VAV3: variants seen among roughly 807,000 people sequenced by gnomAD.
VAV3 encodes vav guanine nucleotide exchange factor 3.
VAV3 carries 94 observed loss-of-function variants against 131.2 expected under a neutral mutation model. The ratio of observed to expected loss-of-function variants is 0.72; its 90% CI spans 0.61 to 0.85. The LOEUF is 0.85. Among genes scored for constraint, VAV3 ranks in the 40% least tolerant of loss-of-function variants. The pLI is 0.00. For missense variants in VAV3, 939 were observed against 1,002.7 expected (o/e 0.94, Z 0.86); for synonymous variants, 349 against 342.0 (o/e 1.02, Z -0.22).
intron 12 of VAV3, among the ~76,000 whole-genome samples, chr1:107,754,709 T>C (rs1368534672): frequency 6.6e-6 from 1 of 152,132 alleles, no homozygotes; most frequent in Non-Finnish European, 1.5e-5. Flanking sequence ...CCACCATCCT[T>C]CCCTTCACTC....
chr1:107,811,033 C>T (rs1667293029), intron 2 of VAV3, among the ~76,000 whole-genome samples: 1 of 152,152 alleles, frequency 6.6e-6, no homozygotes, highest in African/African-American at 2.4e-5. Context: ...GATAGTTCAA[C>T]TTTCAGAAGT....
intron 2 of VAV3, among the ~76,000 whole-genome samples, chr1:107,846,208 A>G (rs1280100858): frequency 6.6e-6 from 1 of 152,228 alleles, no homozygotes; most frequent in Non-Finnish European, 1.5e-5. Context: ...AAGCTTCATA[A>G]GCAAAGGAGA....
chr1:107,595,180 A>T (rs750844903), intron 25 of VAV3, among the ~76,000 whole-genome samples: 1 of 152,170 alleles, frequency 6.6e-6, no homozygotes, highest in Non-Finnish European at 1.5e-5. Context: ...CTTTCATTGC[A>T]CGAGCTTAGG....
intron 1 of VAV3, among the ~76,000 whole-genome samples, chr1:107,949,743 C>G (rs1674444879): frequency 6.6e-6 from 1 of 152,180 alleles, no homozygotes; most frequent in Admixed American, 6.5e-5. Flanking sequence ...TGTACACACA[C>G]AGTTCTATTT....
At chr1:107,831,053 T>C (rs1208683553) in intron 2 of VAV3, among the ~76,000 whole-genome samples, 1 of 152,176 alleles carries the variant, frequency 6.6e-6, no homozygotes, top group African/African-American at 2.4e-5. Flanking sequence ...TCTGAAATGC[T>C]TGGGACCAGA....
intron 20 of VAV3, among the ~76,000 whole-genome samples, chr1:107,618,552 C>T (rs1278204717): frequency 6.6e-6 from 1 of 152,162 alleles, no homozygotes; most frequent in Admixed American, 6.6e-5. Context: ...CATTAAACTG[C>T]AAAAATACTA....
At chr1:107,691,063 A>G (rs1043271275) in intron 17 of VAV3, among the ~76,000 whole-genome samples, 3 of 152,190 alleles carry the variant, frequency 2.0e-5, no homozygotes, top group Admixed American at 1.3e-4. Context: ...ATTCTTAGCC[A>G]GGCTCCTGTA....
intron 1 of VAV3, among the ~76,000 whole-genome samples, chr1:107,903,457 A>G (rs182730417): frequency 6.6e-6 from 1 of 152,180 alleles, no homozygotes; most frequent in South Asian, 2.1e-4. Context: ...GGGCTGTGGC[A>G]GCAGAGAGAC....
chr1:107,858,780 T>C (rs1669597667), intron 2 of VAV3, among the ~76,000 whole-genome samples: 1 of 152,302 alleles, frequency 6.6e-6, no homozygotes, highest in East Asian at 1.9e-4. Flanking sequence ...GATGAGAGTA[T>C]CCTGGAAGTG....
intron 1 of VAV3, among the ~76,000 whole-genome samples, chr1:107,895,058 G>A (rs963724706): frequency 6.6e-6 from 1 of 152,124 alleles, no homozygotes; most frequent in Non-Finnish European, 1.5e-5. Context: ...AGAAGCTGGG[G>A]GAATGAGGAG....
intron 12 of VAV3, among the ~76,000 whole-genome samples, chr1:107,755,051 G>T (rs140791480): frequency 6.6e-6 from 1 of 151,612 alleles, no homozygotes; most frequent in Non-Finnish European, 1.5e-5. Flanking sequence ...CCAGCCCCAA[G>T]CAAAGTGTCT....
chr1:107,758,406 CA>C (rs199669826), intron 10 of VAV3, among the ~76,000 whole-genome samples: 2 of 150,956 alleles, frequency 1.3e-5, no homozygotes, highest in Non-Finnish European at 3.0e-5. Flanking sequence ...CCCATCTCTA[CA>C]AAAAAAAATT....
At position 107,681,750 on chromosome 1, in the gene VAV3, C is replaced by T. The variant is rs137900647; in HGVS notation, c.1777+1738G>A. ...CTCACTGCAAGTTCTGCCTCCCGGG[C>T]TCACGCCATTCTCCTGCCTCAGCCT... On this transcript the variant is annotated intron_variant, in intron 19 of 26. Transcript: ENST00000370056. Among the ~76,000 whole-genome samples the T allele has an allele frequency of 2.9e-3, 440 of 151,330 alleles. 1 individual carries two copies. The highest frequency in any genetic ancestry group is 6.2e-3 in the South Asian group (30 of 4,812).
chr1:107,669,264 C>T (rs561314832), intron 19 of VAV3: 122 of 1,267,678 alleles, frequency 9.6e-5, no homozygotes, highest in Non-Finnish European at 1.2e-4. Context: ...AGGATCTCTT[C>T]TTTATCCTTC....
intron 7 of VAV3, among the ~76,000 whole-genome samples, chr1:107,767,999 G>C (rs1272261910): frequency 2.6e-5 from 4 of 152,218 alleles, no homozygotes; most frequent in Non-Finnish European, 5.9e-5. Context: ...ACTGGAAGTA[G>C]AAAGCACCAA....
At chr1:107,958,789 C>T (rs1674938976) in intron 1 of VAV3, among the ~76,000 whole-genome samples, 1 of 152,084 alleles carries the variant, frequency 6.6e-6, no homozygotes, top group African/African-American at 2.4e-5. Context: ...CCCTCCAACC[C>T]CCGACAGGCC....
At chr1:107,700,750 G>T (rs1182971903) in intron 17 of VAV3, among the ~76,000 whole-genome samples, 4 of 152,152 alleles carry the variant, frequency 2.6e-5, no homozygotes, top group African/African-American at 9.7e-5. Context: ...GAATAGTGCT[G>T]CAGTGAACAT....
intron 2 of VAV3, among the ~76,000 whole-genome samples, chr1:107,872,567 A>T (rs1161505215): frequency 6.6e-6 from 1 of 152,174 alleles, no homozygotes; most frequent in Non-Finnish European, 1.5e-5. Context: ...ACATTTTTTC[A>T]ACTTAAAACT....
chr1:107,958,827 C>T (rs147072283), intron 1 of VAV3, among the ~76,000 whole-genome samples: 1,528 of 152,156 alleles, frequency 0.01, 27 homozygotes, highest in African/African-American at 0.034. Flanking sequence ...CCTCCCTGTG[C>T]CCATATGTTC....
Sources: allele counts gnomAD v4.1 joint callset (sites outside exome capture counted in the v4.1 genomes callset), GRCh38; gene constraint gnomAD v4.1.1; transcripts MANE v1.5; gene names NCBI Gene and HGNC (gene_info 2026-07-23, HGNC 2026-07-21).